Variants in DPPA3 observed in about 807,000 individuals in gnomAD.
DPPA3 encodes developmental pluripotency associated 3.
Under a neutral mutation model 15.6 loss-of-function variants are expected in DPPA3, and 9 were observed. The ratio of observed to expected loss-of-function variants is 0.58; its 90% confidence interval spans 0.35 to 1.01. DPPA3 has a LOEUF of 1.01. DPPA3 is among the 50% of genes least tolerant of loss of function. DPPA3 has a pLI of 0.02. For missense variants in DPPA3, 148 were observed against 194.6 expected, an observed-to-expected ratio of 0.76 and a Z score of 1.42; for synonymous variants, 61 against 70.9, an observed-to-expected ratio of 0.86 and a Z score of 0.70.
intron 1 of DPPA3, 130 bp from the exon 2 acceptor site, chr12:7,715,053 G>A: frequency 7.2e-7 from 1 of 1,393,972 alleles, no homozygotes; most frequent in Non-Finnish European, 9.9e-7. Context: ...GTTGTGCGTT[G>A]TTTACTGTGA....
intron 2 of DPPA3, among the ~76,000 whole-genome samples, chr12:7,715,745 C>T (rs181277539): frequency 3.3e-5 from 5 of 152,046 alleles, no homozygotes; most frequent in African/African-American, 4.8e-5. Flanking sequence ...TGCAGTGTGC[C>T]GAGATTGTGC....
At position 7,716,221 on chromosome 12, in the gene DPPA3, G is replaced by C. The variant is rs1864397432; in HGVS notation, c.351G>C (p.Lys117Asn). The change falls in exon 3 of 4, where the codon AAG becomes AAC. Residue 117 changes from lysine (K) to asparagine (N), a missense_variant. Physicochemically the swap from Lys to Asn is moderately conservative, Grantham distance 94. Transcript: ENST00000345088. ...AGCATGAAAGAAGACCAACAAACAAGGAGCCTAAGGGAGTTAAGGTAAGTA... is the reference window on the plus strand; with the variant it reads ...AGCATGAAAGAAGACCAACAAACAACGAGCCTAAGGGAGTTAAGGTAAGTA... ...VRTHERRPTN[K>N]EPKGVKKESR... 1 of 1,601,178 alleles carries C rather than the reference G, an allele frequency of 6.2e-7. No homozygotes were observed. Among genetic ancestry groups the C allele is most frequent in the South Asian group, 1.1e-5 (1 of 88,784 alleles).
At chr12:7,712,621 T>C (rs1226002570) in intron 1 of DPPA3, among the ~76,000 whole-genome samples, 1 of 152,122 alleles carries the variant, frequency 6.6e-6, no homozygotes, top group Non-Finnish European at 1.5e-5. Context: ...TAATCTTTTG[T>C]ATTTTTAGTA....
intron 2 of DPPA3, 62 bp downstream of exon 2, chr12:7,715,489 A>G: frequency 6.2e-7 from 1 of 1,610,644 alleles, no homozygotes; most frequent in South Asian, 1.1e-5. Flanking sequence ...ATAAATTAAG[A>G]CCTAATTAAG....
rs767008296 is a variant in DPPA3 at position 7,716,251 on chromosome 12, T to G, written c.369+12T>G. ...CTAAGGGAGTTAAGGTAAGTATAAT[T>G]TTTTTCTTTTTATTTTCCTTTTTTT... On this transcript the variant is annotated intron_variant, in intron 3 of 3. Transcript: ENST00000345088. 6.4e-7 allele frequency: 1 copy of G among 1,555,502 alleles called. No homozygotes were observed. Among genetic ancestry groups the G allele is most frequent in the Admixed American group, 2.1e-5 (1 of 48,602 alleles).
chr12:7,716,182 T>A lies in DPPA3; in HGVS notation c.328-16T>A. 1 of 1,461,490 alleles carries A rather than the reference T, an allele frequency of 6.8e-7. No individual in the cohort carries two copies. Among genetic ancestry groups the A allele is most frequent in the African/African-American group, 2.5e-5 (1 of 40,384 alleles). The allele number at this position is 1,461,490 out of a possible 1,614,324, so 90.5% of individuals were successfully genotyped here. A position where few individuals can be genotyped will look rare whatever the true frequency, so the allele number is the denominator to read the frequency against. On this transcript the variant is annotated splice_polypyrimidine_tract_variant and intron_variant, in intron 2 of 3. Coordinates refer to ENST00000345088, the MANE Select transcript of DPPA3 (RefSeq NM_199286.4). The stretch of plus-strand genomic sequence containing the variant: ...TTCTTGATAGTTTTCAATAAACATA[T>A]TTTTTTCCCATGAAGCATGAAAGAA...
intron 1 of DPPA3, among the ~76,000 whole-genome samples, chr12:7,712,145 T>G (rs890710959): frequency 1.4e-5 from 2 of 147,642 alleles, no homozygotes; most frequent in East Asian, 2.0e-4. Context: ...TTGATCTCCT[T>G]ACCTCGTGAT....
intron 3 of DPPA3, 84 bp downstream of exon 3, chr12:7,716,323 CG>C (rs1864399089): frequency 9.1e-7 from 1 of 1,094,862 alleles, no homozygotes; most frequent in Non-Finnish European, 1.3e-6. Context: ...TTCCTTTTGC[CG>C]GAATAGGGAA....
intron 1 of DPPA3, among the ~76,000 whole-genome samples, chr12:7,713,396 G>T (rs2136891664): frequency 6.6e-6 from 1 of 152,322 alleles, no homozygotes; most frequent in Non-Finnish European, 1.5e-5. Flanking sequence ...GTACCTCACA[G>T]TTCCACAAAG....
At chr12:7,716,167 T>A (rs202173543) in intron 2 of DPPA3, 31 bp from the exon 3 acceptor site, 12 of 1,517,394 alleles carry the variant, frequency 7.9e-6, no homozygotes, top group Non-Finnish European at 1.1e-5. Flanking sequence ...TTCTTGATAG[T>A]TTTCAATAAA....
chr12:7,711,741 TTTTTTTTTA>T (rs1189627257), intron 1 of DPPA3, 89 bp downstream of exon 1: 1 of 883,826 alleles, frequency 1.1e-6, no homozygotes, highest in East Asian at 3.0e-5. Context: ...TTTTTTTTTT[TTTTTTTTTA>T]ATGTTGACTT....
Position 7,717,177 on chromosome 12 carries a change from A to G in DPPA3, c.*100A>G. 3 of 809,276 alleles carry G rather than the reference A, an allele frequency of 3.7e-6. No individual in the cohort carries two copies. Among genetic ancestry groups the G allele is most frequent in the Non-Finnish European group, 4.1e-6 (2 of 490,856 alleles). 50.1% of individuals were successfully genotyped at this position (809,276 alleles called of 1,614,324 possible). A position where few individuals can be genotyped will look rare whatever the true frequency, so the allele number is the denominator to read the frequency against. On this transcript the variant is annotated 3_prime_UTR_variant, in exon 4 of 4. Coordinates refer to ENST00000345088, the MANE Select transcript of DPPA3 (RefSeq NM_199286.4). Reference sequence around the variant, plus strand: ...AGACTATACACCAATAATTTTGATAATGAGTTCTAGGATGTATTTTTCTTG... The same window carrying G: ...AGACTATACACCAATAATTTTGATAGTGAGTTCTAGGATGTATTTTTCTTG...
rs916568475 is a variant in DPPA3 at position 7,716,930 on chromosome 12, A to G, written c.370-37A>G. 8 of 1,538,016 alleles carry G rather than the reference A, an allele frequency of 5.2e-6. No homozygotes were observed. In the African/African-American group the frequency reaches 8.2e-5, roughly 16 times the overall value. On this transcript the variant is annotated intron_variant, in intron 3 of 3. Transcript: ENST00000345088. ...GGCTTATTACATTTCTCTGGGGTAC[A>G]ATATTCCAATTAATCCATTTCATCA...
chr12:7,712,482 C>T (rs1012133840), intron 1 of DPPA3, among the ~76,000 whole-genome samples: 1 of 152,146 alleles, frequency 6.6e-6, no homozygotes, highest in African/African-American at 2.4e-5. Context: ...GACGGAGTCT[C>T]TGTCGCCCGG....
chr12:7,715,528 G>C, intron 2 of DPPA3, 101 bp downstream of exon 2: 3 of 1,560,192 alleles, frequency 1.9e-6, no homozygotes, highest in South Asian at 2.3e-5. Flanking sequence ...CGGTGCGGTG[G>C]CTGAGGCCTG....
At position 7,715,245 on chromosome 12, in the gene DPPA3, A is replaced by G. The variant is rs756083363; in HGVS notation, c.145A>G (p.Ser49Gly). ...KNLSNLTINA[S>G]SESVSPLSEA... is the part of the protein sequence containing the mutation. ...CCTTAGTAACTTGACTATCAACGCTAGTAGCGAATCTGTTTCCCCTCTATC... is the reference window on the plus strand; with the variant it reads ...CCTTAGTAACTTGACTATCAACGCTGGTAGCGAATCTGTTTCCCCTCTATC... The change falls in exon 2 of 4, where the codon AGT (serine) becomes GGT (glycine). Residue 49 changes from serine (S) to glycine (G), a missense_variant. By Grantham distance (56) the Ser-to-Gly change is moderately conservative (BLOSUM62 0). Coordinates refer to ENST00000345088, the MANE Select transcript of DPPA3 (RefSeq NM_199286.4). 3.1e-6 allele frequency: 5 copies of G among 1,613,824 alleles called. No homozygotes were observed. Among genetic ancestry groups the G allele is most frequent in the Non-Finnish European group, 4.2e-6 (5 of 1,179,828 alleles).
chr12:7,712,543 G>A (rs994846536), intron 1 of DPPA3, among the ~76,000 whole-genome samples: 1 of 152,100 alleles, frequency 6.6e-6, no homozygotes, highest in African/African-American at 2.4e-5. Context: ...CGCCTCTCGG[G>A]TTCAAGCAAT....
chr12:7,715,783 A>G (rs1466181680), intron 2 of DPPA3, among the ~76,000 whole-genome samples: 1 of 152,076 alleles, frequency 6.6e-6, no homozygotes, highest in Non-Finnish European at 1.5e-5. Flanking sequence ...GGCAACAAGA[A>G]CAAAACAAGC....
chr12:7,715,332 T>C lies in DPPA3; in HGVS notation c.232T>C (p.Trp78Arg). The change falls in exon 2 of 4, where the codon TGG (tryptophan) becomes CGG (arginine). Residue 78 changes from tryptophan (W) to arginine (R), a missense_variant. Physicochemically the swap from Trp to Arg is moderately radical, Grantham distance 101. Coordinates refer to ENST00000345088, the MANE Select transcript of DPPA3 (RefSeq NM_199286.4). ...AGTCCTCAGGGAAATCGAAGATGAG[T>C]GGCTTTACAGCAGGAGAGGAGTAAG... is the stretch of plus-strand genomic sequence containing the variant. ...AAVLREIEDEWLYSRRGVRTL... is the reference protein window; with the variant it reads ...AAVLREIEDERLYSRRGVRTL... 2 of 1,613,960 alleles carry C rather than the reference T, an allele frequency of 1.2e-6. No individual in the cohort carries two copies. Among genetic ancestry groups the C allele is most frequent in the Non-Finnish European group, 8.5e-7 (1 of 1,179,980 alleles).
Sources: gnomAD v4.1 joint callset for allele counts (sites outside exome capture counted in the v4.1 genomes callset) on GRCh38, gnomAD v4.1.1 for gene constraint, MANE v1.5 for transcripts, NCBI Gene and HGNC (gene_info 2026-07-23, HGNC 2026-07-21) for gene names.